Variants in FABP7 observed in about 807,000 individuals in gnomAD.
The protein encoded by FABP7 is fatty acid-binding protein, brain.
Under a neutral mutation model 14.2 loss-of-function variants are expected in FABP7, and 13 were observed. The ratio of observed to expected loss-of-function variants is 0.91; its 90% CI spans 0.59 to 1.45. The LOEUF (loss-of-function observed/expected upper bound fraction) is 1.45. Among genes scored for constraint, FABP7 ranks in the 40% most tolerant of loss-of-function variants. The pLI is 0.00. For synonymous variants in FABP7, 49 were observed against 51.4 expected (o/e 0.95, Z 0.20); for missense variants, 149 against 157.6 (o/e 0.95, Z 0.29).
At chr6:122,762,626 G>A in the FABP7 span, among the ~76,000 whole-genome samples, 1 of 152,178 alleles carries the variant, frequency 6.6e-6, no homozygotes, top group African/African-American at 2.4e-5. Context: ...TGACATGATT[G>A]TATATTTAGA....
the FABP7 span, among the ~76,000 whole-genome samples, chr6:122,749,380 G>C: frequency 2.6e-5 from 4 of 152,148 alleles, no homozygotes; most frequent in Non-Finnish European, 5.9e-5. Flanking sequence ...TTATGATGCT[G>C]CCTACATTTA....
the FABP7 span, among the ~76,000 whole-genome samples, chr6:122,773,228 A>G: frequency 6.6e-6 from 1 of 152,200 alleles, no homozygotes; most frequent in South Asian, 2.1e-4. Flanking sequence ...GCTGACATTA[A>G]GGCGCCAAAA....
chr6:122,755,530 T>A, the FABP7 span, among the ~76,000 whole-genome samples: 1 of 149,290 alleles, frequency 6.7e-6, no homozygotes, highest in Non-Finnish European at 1.5e-5. Flanking sequence ...CTCGGCTCAC[T>A]GCAAGCTCTG....
the FABP7 span, among the ~76,000 whole-genome samples, chr6:122,756,828 C>T: frequency 1.3e-5 from 2 of 152,226 alleles, no homozygotes; most frequent in Non-Finnish European, 2.9e-5. Context: ...ACCACTCACT[C>T]CTTAGAGCGC....
At chr6:122,759,112 T>G in the FABP7 span, among the ~76,000 whole-genome samples, 1 of 152,214 alleles carries the variant, frequency 6.6e-6, no homozygotes, top group Non-Finnish European at 1.5e-5. Context: ...AATTCCATGC[T>G]CTCCCATTCA....
chr6:122,777,247 A>T, upstream of FABP7, among the ~76,000 whole-genome samples: 1 of 152,226 alleles, frequency 6.6e-6, no homozygotes, highest in East Asian at 1.9e-4. Flanking sequence ...ATATAGCAAT[A>T]ATTTGTAACA....
upstream of FABP7, among the ~76,000 whole-genome samples, chr6:122,775,326 T>C (rs376600300): frequency 7.0e-6 from 1 of 142,018 alleles, no homozygotes; most frequent in Non-Finnish European, 1.5e-5. Context: ...CATAGACCAA[T>C]AGAACTGAAT....
At chr6:122,770,634 C>G in the FABP7 span, among the ~76,000 whole-genome samples, 2 of 152,086 alleles carry the variant, frequency 1.3e-5, no homozygotes, top group African/African-American at 2.4e-5. Flanking sequence ...ATACAAAGTT[C>G]AGCCTTACCC....
the FABP7 span, among the ~76,000 whole-genome samples, chr6:122,754,608 C>A: frequency 7.9e-6 from 1 of 127,332 alleles, no homozygotes; most frequent in South Asian, 3.3e-4. Context: ...CATCCCCCCA[C>A]CCCCCACCCA....
chr6:122,779,088 A>G (rs1780719989), upstream of FABP7, among the ~76,000 whole-genome samples: 1 of 152,108 alleles, frequency 6.6e-6, no homozygotes, highest in Non-Finnish European at 1.5e-5. Flanking sequence ...AAGGACCCAA[A>G]TTAGTGTGCT....
At chr6:122,767,793 G>A in the FABP7 span, among the ~76,000 whole-genome samples, 1 of 150,218 alleles carries the variant, frequency 6.7e-6, no homozygotes. Context: ...GAGAAAAAAA[G>A]GGCTTGGTAG....
chr6:122,780,687 C>A (rs1009615388), intron 2 of FABP7, among the ~76,000 whole-genome samples: 1 of 152,158 alleles, frequency 6.6e-6, no homozygotes, highest in African/African-American at 2.4e-5. Flanking sequence ...TTACCATATA[C>A]TGTTCACATT....
chr6:122,768,436 T>TAAA, the FABP7 span, among the ~76,000 whole-genome samples: 2 of 152,188 alleles, frequency 1.3e-5, no homozygotes, highest in Non-Finnish European at 2.9e-5. Flanking sequence ...TTATGAAGAT[T>TAAA]ACATTGGTAT....
the FABP7 span, among the ~76,000 whole-genome samples, chr6:122,757,883 T>A: frequency 6.6e-6 from 1 of 152,108 alleles, no homozygotes; most frequent in African/African-American, 2.4e-5. Flanking sequence ...CTATTTAATT[T>A]TATATAAAAT....
the FABP7 span, among the ~76,000 whole-genome samples, chr6:122,760,021 A>C: frequency 5.3e-5 from 8 of 151,960 alleles, no homozygotes; most frequent in Admixed American, 3.9e-4. Flanking sequence ...CAGGAGGCTG[A>C]GGCAGGAGAA....
At chr6:122,767,462 T>C in the FABP7 span, among the ~76,000 whole-genome samples, 1 of 152,054 alleles carries the variant, frequency 6.6e-6, no homozygotes, top group African/African-American at 2.4e-5. Flanking sequence ...CTTCGGTAAA[T>C]CACAGAGATG....
chr6:122,777,971 C>G (rs1158471976), upstream of FABP7, among the ~76,000 whole-genome samples: 4 of 152,026 alleles, frequency 2.6e-5, no homozygotes, highest in Non-Finnish European at 5.9e-5. Flanking sequence ...AAGCTGTAAG[C>G]CCTCAGCTTC....
At chr6:122,766,548 A>G in the FABP7 span, among the ~76,000 whole-genome samples, 1 of 152,150 alleles carries the variant, frequency 6.6e-6, no homozygotes, top group Non-Finnish European at 1.5e-5. Flanking sequence ...CTTAAAGTCC[A>G]TACAGTATTA....
At chr6:122,766,569 A>G in the FABP7 span, among the ~76,000 whole-genome samples, 1 of 152,122 alleles carries the variant, frequency 6.6e-6, no homozygotes, top group Non-Finnish European at 1.5e-5. Context: ...GATGATAAAG[A>G]GCATATAACC....
Sources: allele counts gnomAD v4.1 joint callset (sites outside exome capture counted in the v4.1 genomes callset), GRCh38; gene constraint gnomAD v4.1.1; transcripts MANE v1.5; gene names NCBI Gene and HGNC (gene_info 2026-07-23, HGNC 2026-07-21).